Variants in AGBL4 observed in about 807,000 individuals in gnomAD.
AGBL4 encodes cytosolic carboxypeptidase 6.
Under a neutral mutation model 66.4 loss-of-function variants are expected in AGBL4, and 58 were observed. The observed-to-expected ratio is 0.87, with a 90% CI of 0.71 to 1.09. The LOEUF (loss-of-function observed/expected upper bound fraction) is 1.09, where lower values mean the gene tolerates loss of function less well. Among genes scored for constraint, AGBL4 ranks in the 50% least tolerant of loss-of-function variants. The pLI, the probability that AGBL4 is intolerant of heterozygous loss-of-function variation, is 0.00. For synonymous variants in AGBL4, 234 were observed against 222.9 expected (o/e 1.05, Z -0.44); for missense variants, 579 against 631.0 (o/e 0.92, Z 0.88).
intron 3 of AGBL4, chr1:49,374,077 C>T (rs1466925353): frequency 6.6e-6 from 1 of 152,012 alleles, no homozygotes; most frequent in Non-Finnish European, 1.5e-5. Context: ...CTGTGCAACT[C>T]CCTTTAGATG....
At chr1:48,523,089 G>A in the AGBL4 span, among the ~76,000 whole-genome samples, 1 of 152,120 alleles carries the variant, frequency 6.6e-6, no homozygotes, top group Non-Finnish European at 1.5e-5. Context: ...GGAGCCCTTA[G>A]TGATCACCTA....
chr1:49,560,790 G>C (rs1242968403), intron 3 of AGBL4, among the ~76,000 whole-genome samples: 1 of 151,702 alleles, frequency 6.6e-6, no homozygotes, highest in Non-Finnish European at 1.5e-5. Flanking sequence ...TACAAACTAG[G>C]AGAGACTCGA....
chr1:48,645,398 C>T (rs1433261408), intron 8 of AGBL4, among the ~76,000 whole-genome samples: 1 of 152,132 alleles, frequency 6.6e-6, no homozygotes, highest in African/African-American at 2.4e-5. Context: ...CCTGCCTACA[C>T]CACAGGCTTC....
chr1:49,024,287 C>T, intron 5 of AGBL4, among the ~76,000 whole-genome samples: 1 of 152,110 alleles, frequency 6.6e-6, no homozygotes. Context: ...CTGAACATGA[C>T]AGGGAGAATC....
rs148517997 is a variant in AGBL4, at chr1:49,633,328, G to C, written c.282+63985C>G. Among the ~76,000 whole-genome samples, 36 of 152,186 alleles carry C rather than the reference G, an allele frequency of 2.4e-4. No homozygotes were observed. In the East Asian group the frequency reaches 6.8e-3, roughly 29 times the overall value. ...TAGCCTGCAAAAGCCAACAAAGCAG[G>C]ACTTATGTCTATTTAACAATTTAGC... On this transcript the variant is annotated intron_variant, in intron 3 of 13. Transcript: ENST00000371839.
chr1:48,942,090 A>G (rs1265920648), intron 5 of AGBL4, among the ~76,000 whole-genome samples: 2 of 152,214 alleles, frequency 1.3e-5, no homozygotes, highest in Non-Finnish European at 2.9e-5. Flanking sequence ...GTTAGTAATC[A>G]TAGATATAGT....
chr1:49,126,808 T>C (rs1645773911), intron 4 of AGBL4, among the ~76,000 whole-genome samples: 1 of 152,092 alleles, frequency 6.6e-6, no homozygotes, highest in Non-Finnish European at 1.5e-5. Context: ...TAGACATAGC[T>C]CCCTAGCAAT....
At chr1:49,282,672 C>T (rs867884017) in intron 3 of AGBL4, among the ~76,000 whole-genome samples, 15 of 152,176 alleles carry the variant, frequency 9.9e-5, no homozygotes, top group African/African-American at 2.7e-4. Context: ...TCGCACCGTG[C>T]GCGAGCCAAA....
intron 3 of AGBL4, among the ~76,000 whole-genome samples, chr1:49,612,030 T>C (rs975467613): frequency 6.6e-5 from 10 of 152,250 alleles, no homozygotes; most frequent in African/African-American, 2.4e-4. Flanking sequence ...AAAAGCCTTA[T>C]ATAGTTAAAG....
intron 3 of AGBL4, among the ~76,000 whole-genome samples, chr1:49,497,310 A>G (rs980128026): frequency 2.6e-5 from 4 of 151,936 alleles, no homozygotes; most frequent in Non-Finnish European, 4.4e-5. Context: ...CTCCCATTCC[A>G]TAGGTTGTCT....
At chr1:49,877,041 G>C (rs1375571987) in intron 1 of AGBL4, among the ~76,000 whole-genome samples, 1 of 151,780 alleles carries the variant, frequency 6.6e-6, no homozygotes, top group Non-Finnish European at 1.5e-5. Flanking sequence ...TTGATTATCA[G>C]CTTAAGGAGA....
At position 48,623,189 on chromosome 1, in the gene AGBL4, A is replaced by G. The variant is rs142082732; in HGVS notation, c.951+11304T>C. On this transcript the variant is annotated intron_variant, in intron 9 of 13. Coordinates refer to ENST00000371839, the MANE Select transcript of AGBL4 (RefSeq NM_032785.4). ...AATGCCTGCACTCAGGAAATCTTTA[A>G]TGGGTAAATGAATGACTTTTTTCTT... 2.0e-5 allele frequency among the ~76,000 whole-genome samples: 3 copies of G among 152,360 alleles called. No individual in the cohort carries two copies. In the East Asian group the frequency reaches 5.8e-4, roughly 29 times the overall value.
chr1:49,452,118 A>G (rs1370957507), intron 3 of AGBL4, among the ~76,000 whole-genome samples: 1 of 151,792 alleles, frequency 6.6e-6, no homozygotes, highest in Non-Finnish European at 1.5e-5. Context: ...TTTCAATTAC[A>G]TGACCTCCAC....
intron 5 of AGBL4, among the ~76,000 whole-genome samples, chr1:48,868,890 G>A (rs747238601): frequency 1.3e-5 from 2 of 152,096 alleles, no homozygotes; most frequent in Non-Finnish European, 2.9e-5. Flanking sequence ...ACTGTTTCTA[G>A]CTACTTCAGT....
chr1:49,291,744 G>T (rs2148427575), intron 3 of AGBL4, among the ~76,000 whole-genome samples: 1 of 152,306 alleles, frequency 6.6e-6, no homozygotes, highest in South Asian at 2.1e-4. Context: ...GGCCTGTCTG[G>T]AGTGGCTGCT....
intron 9 of AGBL4, among the ~76,000 whole-genome samples, chr1:48,603,096 T>G (rs1645098596): frequency 6.6e-6 from 1 of 152,166 alleles, no homozygotes; most frequent in African/African-American, 2.4e-5. Flanking sequence ...GAAAGGACCC[T>G]CCAGTGGAGA....
chr1:48,721,601 T>TG (rs1207043809), intron 6 of AGBL4, among the ~76,000 whole-genome samples: 5 of 152,152 alleles, frequency 3.3e-5, no homozygotes, highest in Non-Finnish European at 7.4e-5. Flanking sequence ...ACAATCAGTG[T>TG]GGGGGTGACC....
At chr1:48,868,549 C>T (rs1570879182) in intron 5 of AGBL4, among the ~76,000 whole-genome samples, 1 of 151,922 alleles carries the variant, frequency 6.6e-6, no homozygotes, top group Non-Finnish European at 1.5e-5. Context: ...CTCTAGAGTC[C>T]AAAATATGGC....
intron 4 of AGBL4, among the ~76,000 whole-genome samples, chr1:49,130,589 G>C (rs1645869844): frequency 6.6e-6 from 1 of 152,042 alleles, no homozygotes; most frequent in Non-Finnish European, 1.5e-5. Context: ...CCCATTGCTT[G>C]TTTTTCTCAG....
Sources: allele counts gnomAD v4.1 joint callset (sites outside exome capture counted in the v4.1 genomes callset), GRCh38; gene constraint gnomAD v4.1.1; transcripts MANE v1.5; gene names NCBI Gene and HGNC (gene_info 2026-07-23, HGNC 2026-07-21).